Variants in INTS3 observed in about 807,000 individuals in gnomAD.
The protein encoded by INTS3 is SOSS complex subunit A.
A neutral mutation model predicts 146.3 loss-of-function variants in INTS3; 34 were observed. That is an observed-to-expected ratio of 0.23 (90% CI 0.18 to 0.31). The LOEUF is 0.31. Among genes scored for constraint, INTS3 ranks in the 10% least tolerant of loss-of-function variants. INTS3 has a pLI of 1.00. For synonymous variants in INTS3, 475 were observed against 494.9 expected, an observed-to-expected ratio of 0.96 and a Z score of 0.53; for missense variants, 757 against 1,304.2, an observed-to-expected ratio of 0.58 and a Z score of 6.46.
Position 153,748,735 on chromosome 1 carries a change from G to C in INTS3, c.564G>C (p.Leu188=). 1 of 1,614,126 alleles carries C rather than the reference G, an allele frequency of 6.2e-7. No individual in the cohort carries two copies. The highest frequency in any genetic ancestry group is 1.1e-5 in the South Asian group (1 of 91,092). The change falls in exon 6 of 30, where the codon CTG becomes CTC. Residue 188 remains leucine (L), a synonymous_variant. Coordinates refer to ENST00000318967, the MANE Select transcript of INTS3 (RefSeq NM_023015.5). ...AKNIWLAESV[L]DILTEQREWV... is the part of the protein sequence containing the mutation. The stretch of plus-strand genomic sequence containing the variant: ...ATATCTGGTTGGCAGAAAGTGTTCT[G>C]GATATCCTGACAGAGCAAAGGTAGC...
intron 21 of INTS3, 136 bp downstream of exon 21, chr1:153,767,963 C>G (rs1672661988): frequency 6.8e-6 from 5 of 736,738 alleles, no homozygotes. Context: ...CCCACACTCA[C>G]AGCTGTCCCC....
At chr1:153,739,703 G>A (rs998762092) in intron 1 of INTS3, among the ~76,000 whole-genome samples, 8 of 146,634 alleles carry the variant, frequency 5.5e-5, no homozygotes, top group Non-Finnish European at 9.1e-5. Flanking sequence ...TCCTGACCTC[G>A]GGTGATCTGC....
Position 153,769,760 on chromosome 1 carries a change from C to A in INTS3, c.2314-9C>A. ...TGATGGGTTCTGCCTCCTTCCTCCA[C>A]CTCCTTAGCTCCAGGAGCTGGTCTG... On this transcript the variant is annotated splice_polypyrimidine_tract_variant and intron_variant, in intron 22 of 29. Coordinates refer to ENST00000318967, the MANE Select transcript of INTS3 (RefSeq NM_023015.5). 6.2e-7 allele frequency: 1 copy of A among 1,606,354 alleles called. No homozygotes were observed. Among genetic ancestry groups the A allele is most frequent in the Non-Finnish European group, 8.5e-7 (1 of 1,172,990 alleles).
At chr1:153,764,258 G>C in intron 18 of INTS3, 37 bp downstream of exon 18, 1 of 1,416,454 alleles carries the variant, frequency 7.1e-7, no homozygotes, top group Non-Finnish European at 1.0e-6. Context: ...AGCCTCAGGA[G>C]CCAGAGGGTG....
At chr1:153,761,733 C>T in intron 14 of INTS3, 57 bp downstream of exon 14, 1 of 1,214,536 alleles carries the variant, frequency 8.2e-7, no homozygotes, top group Non-Finnish European at 1.2e-6. Context: ...ACAACCAGGC[C>T]TTCAGGCCAG....
At position 153,747,105 on chromosome 1, in the gene INTS3, AAG is replaced by A. The variant is rs758224078; in HGVS notation, c.432+42_432+43del. The A allele has an allele frequency of 7.5e-6, 11 of 1,475,570 alleles. No homozygotes were observed. The Admixed American group carries it at 1.8e-4, about 25-fold the overall frequency. The allele number at this position is 1,475,570 out of a possible 1,614,324, so 91.4% of individuals were successfully genotyped here. A position where few individuals can be genotyped will look rare whatever the true frequency, so the allele number is the denominator to read the frequency against. Reference sequence around the variant, plus strand: ...GAAAGAAAAGACAAGATCCAGCTCAAAGAGAGAGGATGGATCTTCTCTCTGTC... The same window carrying A: ...GAAAGAAAAGACAAGATCCAGCTCAAAGAGAGGATGGATCTTCTCTCTGTC... On this transcript the variant is annotated intron_variant, in intron 4 of 29. Transcript: ENST00000318967.
intron 7 of INTS3, chr1:153,751,970 T>G (rs879432463): frequency 2.3e-5 from 8 of 341,682 alleles, no homozygotes; most frequent in Non-Finnish European, 3.7e-5. Flanking sequence ...CCCATCCTTT[T>G]GAAACTTTAA....
chr1:153,736,381 T>A (rs2101780172), intron 1 of INTS3, among the ~76,000 whole-genome samples: 1 of 152,284 alleles, frequency 6.6e-6, no homozygotes, highest in South Asian at 2.1e-4. Flanking sequence ...TGCCACCTTA[T>A]GCTCTTACAC....
chr1:153,770,780 A>G, intron 25 of INTS3, 47 bp downstream of exon 25: 2 of 1,465,708 alleles, frequency 1.4e-6, no homozygotes, highest in South Asian at 2.3e-5. Context: ...TTAACATCCC[A>G]AGAGCTGCTG....
At chr1:153,760,561 T>C in intron 12 of INTS3, 171 bp downstream of exon 12, 1 of 633,532 alleles carries the variant, frequency 1.6e-6, no homozygotes, top group Non-Finnish European at 2.8e-6. Flanking sequence ...TTCCACTGTC[T>C]GCACTTGGAT....
chr1:153,764,071 G>A, intron 17 of INTS3, 47 bp from the exon 18 acceptor site: 4 of 1,495,202 alleles, frequency 2.7e-6, no homozygotes, highest in Non-Finnish European at 3.7e-6. Context: ...GGGGCAGGAG[G>A]GCTTGGGTGT....
intron 3 of INTS3, among the ~76,000 whole-genome samples, chr1:153,742,553 A>G (rs1282822268): frequency 1.3e-5 from 2 of 150,920 alleles, no homozygotes; most frequent in African/African-American, 4.9e-5. Context: ...AATACCATTC[A>G]AATTCCATTT....
intron 7 of INTS3, chr1:153,751,930 GT>G (rs1671970867): frequency 6.9e-6 from 2 of 290,224 alleles, no homozygotes; most frequent in Non-Finnish European, 1.3e-5. Flanking sequence ...TAAGTTTGAG[GT>G]TAGGGTTTCT....
chr1:153,740,257 G>A (rs145290474), intron 1 of INTS3, among the ~76,000 whole-genome samples: 2 of 151,884 alleles, frequency 1.3e-5, no homozygotes, highest in Non-Finnish European at 2.9e-5. Flanking sequence ...GTGCCACTGC[G>A]CCTGGCTAAT....
At chr1:153,771,698 TG>T in intron 25 of INTS3, 97 bp from the exon 26 acceptor site, 1 of 1,155,276 alleles carries the variant, frequency 8.7e-7, no homozygotes, top group Non-Finnish European at 1.2e-6. Flanking sequence ...GAGTAGTGGG[TG>T]GGTGGGGAGG....
At chr1:153,733,612 C>CT (rs1671173914) in intron 1 of INTS3, among the ~76,000 whole-genome samples, 1 of 150,754 alleles carries the variant, frequency 6.6e-6, no homozygotes, top group African/African-American at 2.4e-5. Flanking sequence ...TTACTGTATG[C>CT]TTTTTTTTGT....
intron 3 of INTS3, among the ~76,000 whole-genome samples, chr1:153,745,943 A>C (rs905224813): frequency 1.7e-4 from 26 of 152,052 alleles, no homozygotes; most frequent in Non-Finnish European, 2.9e-4. Context: ...TCTAGAAAAA[A>C]CTGTTTTAAA....
chr1:153,744,478 C>T (rs1359601219), intron 3 of INTS3, among the ~76,000 whole-genome samples: 1 of 152,100 alleles, frequency 6.6e-6, no homozygotes, highest in Non-Finnish European at 1.5e-5. Context: ...TCACTGGGAC[C>T]CTTCATCTCT....
chr1:153,771,273 T>C (rs940921534), intron 25 of INTS3, among the ~76,000 whole-genome samples: 1 of 152,228 alleles, frequency 6.6e-6, no homozygotes, highest in South Asian at 2.1e-4. Context: ...GTGTATCTTA[T>C]CCTTCCTACC....
Sources: gnomAD v4.1 joint callset for allele counts (sites outside exome capture counted in the v4.1 genomes callset) on GRCh38, gnomAD v4.1.1 for gene constraint, MANE v1.5 for transcripts, NCBI Gene and HGNC (gene_info 2026-07-23, HGNC 2026-07-21) for gene names.